The following PLEKHG1 variants were observed in gnomAD, a reference collection of about 807,000 sequenced individuals.
The protein encoded by PLEKHG1 is pleckstrin homology and RhoGEF domain containing G1, also known as pleckstrin homology domain-containing family G member 1.
A neutral mutation model predicts 100.8 loss-of-function variants in PLEKHG1; 44 were observed. The observed-to-expected ratio is 0.44, with a 90% CI of 0.34 to 0.56. The LOEUF is 0.56. PLEKHG1 is among the 20% of genes least tolerant of loss of function. PLEKHG1 has a pLI of 0.01. For missense variants in PLEKHG1, 1,545 were observed against 1,720.9 expected, an observed-to-expected ratio of 0.90 and a Z score of 1.81; for synonymous variants, 640 against 662.5, an observed-to-expected ratio of 0.97 and a Z score of 0.52.
At chr6:150,726,485 T>A (rs1199393506) in intron 1 of PLEKHG1, among the ~76,000 whole-genome samples, 7 of 152,156 alleles carry the variant, frequency 4.6e-5, no homozygotes, top group Admixed American at 4.6e-4. Context: ...ATTTTGAAAA[T>A]TTTTTAAATG....
chr6:150,698,499 T>TATATAC lies in PLEKHG1; in HGVS notation c.-98-35084_-98-35083insTATACA, dbSNP rs66635945. ...TTGCGTGTGTATACAATACTATATA[T>TATATAC]ACACACACACGTACATGAAAAAGTA... On this transcript the variant is annotated intron_variant, in intron 3 of 3. Transcript: ENST00000367326. Among the ~76,000 whole-genome samples, 8 of 151,906 alleles carry TATATAC rather than the reference T, an allele frequency of 5.3e-5. No homozygotes were observed. In the South Asian group the frequency reaches 1.7e-3, roughly 32 times the overall value.
chr6:150,604,705 C>T (rs1776513874), intron 1 of PLEKHG1, among the ~76,000 whole-genome samples: 1 of 152,088 alleles, frequency 6.6e-6, no homozygotes, highest in Admixed American at 6.5e-5. Context: ...TTATCTTTGC[C>T]CTGGGGCTAG....
Position 150,745,886 on chromosome 6 carries a change from C to CAGCT in PLEKHG1, c.411+11795_411+11798dup, listed in dbSNP as rs143324456. ...AAGATTTGAAGTTTATGGAAGCCAC[C>CAGCT]AGCTGCCCACACCGGCCACCCTGGA... On this transcript the variant is annotated intron_variant, in intron 2 of 15. Transcript: ENST00000358517. Among the ~76,000 whole-genome samples, 1,106 of 152,174 alleles carry CAGCT rather than the reference C, an allele frequency of 7.3e-3. 13 individuals carry two copies. Among genetic ancestry groups the CAGCT allele is most frequent in the African/African-American group, 0.025 (1,050 of 41,514 alleles).
At position 150,730,736 on chromosome 6, in the gene PLEKHG1, C is replaced by T. The variant is rs192351930; in HGVS notation, c.-98-2848C>T. On this transcript the variant is annotated intron_variant, in intron 1 of 15. Transcript: ENST00000358517. Reference sequence around the variant, plus strand: ...TGGCCAACGTGGTGAAACCCCGTCTCTACTAAAAATATAAAAATTAGCTGG... The same window carrying T: ...TGGCCAACGTGGTGAAACCCCGTCTTTACTAAAAATATAAAAATTAGCTGG... Among the ~76,000 whole-genome samples, 1,337 of 152,132 alleles carry T rather than the reference C, an allele frequency of 8.8e-3. 26 individuals carry two copies. The highest frequency in any genetic ancestry group is 0.031 in the African/African-American group (1,274 of 41,502).
intron 2 of PLEKHG1, among the ~76,000 whole-genome samples, chr6:150,766,533 T>C (rs544511111): frequency 1.5e-4 from 23 of 152,382 alleles, no homozygotes; most frequent in African/African-American, 5.3e-4. Context: ...GAACAAGTTA[T>C]GACCATACAA....
intron 14 of PLEKHG1, among the ~76,000 whole-genome samples, chr6:150,826,570 T>C (rs1477846733): frequency 6.6e-6 from 1 of 152,200 alleles, no homozygotes; most frequent in Non-Finnish European, 1.5e-5. Context: ...GTATCGAAAT[T>C]ATTAGGTTGG....
chr6:150,810,452 A>G (rs1416806432), intron 10 of PLEKHG1, among the ~76,000 whole-genome samples: 2 of 147,432 alleles, frequency 1.4e-5, no homozygotes, highest in Admixed American at 6.7e-5. Context: ...AGAGACAGCA[A>G]GACCCTGTCT....
intron 2 of PLEKHG1, among the ~76,000 whole-genome samples, chr6:150,764,202 T>C (rs1488538751): frequency 6.6e-6 from 1 of 151,266 alleles, no homozygotes; most frequent in Non-Finnish European, 1.5e-5. Context: ...ATTGCAACCT[T>C]TGCCTCCCGG....
upstream of PLEKHG1, among the ~76,000 whole-genome samples, chr6:150,716,512 C>T (rs1337629946): frequency 3.3e-5 from 5 of 152,192 alleles, no homozygotes; most frequent in African/African-American, 7.2e-5. Context: ...GTCTCTGGGC[C>T]GCCCTTTCCT....
intron 3 of PLEKHG1, among the ~76,000 whole-genome samples, chr6:150,682,187 G>T (rs1273847431): frequency 6.6e-6 from 1 of 152,086 alleles, no homozygotes; most frequent in Non-Finnish European, 1.5e-5. Context: ...CAGGCCCAGC[G>T]ACACTCCAGA....
chr6:150,756,172 C>T (rs1783830135), intron 2 of PLEKHG1, among the ~76,000 whole-genome samples: 1 of 118,208 alleles, frequency 8.5e-6, no homozygotes, highest in African/African-American at 3.3e-5. Context: ...TCGTGTTTAC[C>T]CCCTGGCCCC....
chr6:150,601,697 A>G (rs542712164), intron 1 of PLEKHG1, among the ~76,000 whole-genome samples: 7 of 152,326 alleles, frequency 4.6e-5, no homozygotes, highest in Middle Eastern at 3.4e-3. Flanking sequence ...AGCAGTCCAC[A>G]GTCAACAGCA....
intron 2 of PLEKHG1, among the ~76,000 whole-genome samples, chr6:150,753,299 G>A (rs912498002): frequency 6.6e-6 from 1 of 151,976 alleles, no homozygotes; most frequent in Non-Finnish European, 1.5e-5. Context: ...TGTGGGGTGG[G>A]TGTGTGTGTG....
intron 15 of PLEKHG1, among the ~76,000 whole-genome samples, chr6:150,836,330 A>G (rs1777219010): frequency 6.6e-6 from 1 of 152,192 alleles, no homozygotes; most frequent in Non-Finnish European, 1.5e-5. Context: ...GAGAGCCGAG[A>G]TTGCGCCACT....
chr6:150,645,625 T>A (rs1185504563), intron 2 of PLEKHG1, among the ~76,000 whole-genome samples: 14 of 152,166 alleles, frequency 9.2e-5, no homozygotes. Flanking sequence ...GAAGGAAACA[T>A]AGATGCATAT....
chr6:150,804,168 T>TATATATATATATATATATATATAC (rs1786886558), intron 6 of PLEKHG1, among the ~76,000 whole-genome samples: 1 of 46,906 alleles, frequency 2.1e-5, no homozygotes, highest in African/African-American at 6.1e-5. Flanking sequence ...TATATATATA[T>TATATATATATATATATATATATAC]ATATATATTT....
intron 10 of PLEKHG1, among the ~76,000 whole-genome samples, chr6:150,817,506 C>T (rs1776037532): frequency 6.6e-6 from 1 of 151,368 alleles, no homozygotes; most frequent in African/African-American, 2.4e-5. Flanking sequence ...AGGCTCCGTG[C>T]CTTGAGCTTT....
chr6:150,717,719 G>A (rs11155750), upstream of PLEKHG1, among the ~76,000 whole-genome samples: 66,732 of 152,078 alleles, frequency 0.44, 14,923 homozygotes, highest in Middle Eastern at 0.54. Context: ...TTCCAGCAAG[G>A]GTATCTTTAT....
intron 2 of PLEKHG1, among the ~76,000 whole-genome samples, chr6:150,764,134 T>TTA (rs58030958): frequency 6.6e-6 from 1 of 151,630 alleles, no homozygotes; most frequent in African/African-American, 2.4e-5. Flanking sequence ...TTTTTTTTTT[T>TTA]AAGACAGAGT....
Sources: gnomAD v4.1 joint callset for allele counts (sites outside exome capture counted in the v4.1 genomes callset) on GRCh38, gnomAD v4.1.1 for gene constraint, MANE v1.5 for transcripts, NCBI Gene and HGNC (gene_info 2026-07-23, HGNC 2026-07-21) for gene names.